The following LYZL4 variants were observed in gnomAD, a reference collection of about 807,000 sequenced individuals.
LYZL4 encodes lysozyme like 4.
LYZL4 carries 13 observed loss-of-function variants against 17.6 expected under a neutral mutation model. The ratio of observed to expected loss-of-function variants is 0.74; its 90% CI spans 0.48 to 1.18. The LOEUF is 1.18. Ranked by LOEUF, LYZL4 falls within the 50% of genes most tolerant of loss-of-function variation. The probability of loss-of-function intolerance (pLI) is 0.00; values close to 1 mark genes in which losing one functional copy is unlikely to be tolerated. For synonymous variants in LYZL4, 64 were observed against 67.7 expected (o/e 0.95, Z 0.27); for missense variants, 174 against 188.2 (o/e 0.92, Z 0.44).
chr3:42,369,287 G>T, the LYZL4 span, among the ~76,000 whole-genome samples: 1 of 152,180 alleles, frequency 6.6e-6, no homozygotes, highest in Admixed American at 6.5e-5. Context: ...GGCATGGTAG[G>T]GAGGGCATCA....
At chr3:42,396,372 G>C (rs984870773), downstream of LYZL4, among the ~76,000 whole-genome samples, 2 of 152,218 alleles carry the variant, frequency 1.3e-5, no homozygotes, top group Non-Finnish European at 2.9e-5. Context: ...TCAGGCAGGT[G>C]TGTCCAGGAA....
At chr3:42,404,237 G>A (rs562325772) in intron 3 of LYZL4, 113 bp from the exon 4 acceptor site, 10 of 587,414 alleles carry the variant, frequency 1.7e-5, no homozygotes, top group Middle Eastern at 3.4e-4. Flanking sequence ...TGAATTCCAA[G>A]AATAAATCTA....
chr3:42,384,479 G>A, the LYZL4 span, among the ~76,000 whole-genome samples: 2 of 152,238 alleles, frequency 1.3e-5, no homozygotes, highest in Non-Finnish European at 2.9e-5. Flanking sequence ...CAAGCAGTCA[G>A]AAGTCATGAG....
the LYZL4 span, among the ~76,000 whole-genome samples, chr3:42,364,779 G>A: frequency 1.3e-5 from 2 of 152,114 alleles, no homozygotes; most frequent in Admixed American, 1.3e-4. Context: ...CAGCCTCAGT[G>A]TCATCTTTTT....
intron 4 of LYZL4, among the ~76,000 whole-genome samples, chr3:42,402,572 A>G (rs895239063): frequency 1.3e-4 from 20 of 152,222 alleles, no homozygotes; most frequent in Non-Finnish European, 2.9e-4. Flanking sequence ...GAGTAAAACC[A>G]TAATGCAATA....
chr3:42,374,677 T>C, the LYZL4 span, among the ~76,000 whole-genome samples: 1 of 152,206 alleles, frequency 6.6e-6, no homozygotes, highest in African/African-American at 2.4e-5. Flanking sequence ...TCCCCACCTG[T>C]CCCTGCTGTA....
At chr3:42,382,807 C>T in the LYZL4 span, among the ~76,000 whole-genome samples, 1 of 151,846 alleles carries the variant, frequency 6.6e-6, no homozygotes, top group South Asian at 2.1e-4. Context: ...GACAACTGGA[C>T]AGCCTGCTAG....
chr3:42,407,703 TA>T (rs374114728), intron 1 of LYZL4, among the ~76,000 whole-genome samples: 393 of 139,538 alleles, frequency 2.8e-3, no homozygotes, highest in Middle Eastern at 3.7e-3. Flanking sequence ...AAAGAGAAAT[TA>T]AAAAAAAAAA....
the LYZL4 span, among the ~76,000 whole-genome samples, chr3:42,391,719 T>G: frequency 6.6e-6 from 1 of 152,150 alleles, no homozygotes; most frequent in Non-Finnish European, 1.5e-5. Flanking sequence ...GAGATTGTTT[T>G]AAGTGGGAGA....
downstream of LYZL4, among the ~76,000 whole-genome samples, chr3:42,395,796 G>A (rs1033696139): frequency 4.6e-5 from 7 of 152,096 alleles, no homozygotes; most frequent in East Asian, 1.9e-4. Context: ...GGCCAAGATC[G>A]GTGGCTCACA....
At chr3:42,366,231 G>T in the LYZL4 span, among the ~76,000 whole-genome samples, 2 of 152,162 alleles carry the variant, frequency 1.3e-5, no homozygotes, top group Admixed American at 1.3e-4. Context: ...CTGAACTGCA[G>T]GCCCTCGTGT....
At chr3:42,380,610 G>A in the LYZL4 span, among the ~76,000 whole-genome samples, 443 of 152,236 alleles carry the variant, frequency 2.9e-3, 3 homozygotes, top group African/African-American at 0.01. Flanking sequence ...GGTGGGGCCC[G>A]GAGACCAGCT....
the LYZL4 span, among the ~76,000 whole-genome samples, chr3:42,373,080 G>A: frequency 8.6e-5 from 13 of 152,022 alleles, no homozygotes; most frequent in African/African-American, 2.4e-4. Flanking sequence ...GCATGGTGGC[G>A]AGTGCCTGTA....
downstream of LYZL4, among the ~76,000 whole-genome samples, chr3:42,396,364 A>G (rs1698549400): frequency 6.6e-6 from 1 of 152,232 alleles, no homozygotes; most frequent in Non-Finnish European, 1.5e-5. Context: ...ACCAGATCTC[A>G]GGCAGGTGTG....
chr3:42,396,262 G>A (rs1698548659), downstream of LYZL4, among the ~76,000 whole-genome samples: 2 of 152,154 alleles, frequency 1.3e-5, no homozygotes, highest in South Asian at 4.1e-4. Context: ...ACTGAAAGGT[G>A]AAGAACTATG....
chr3:42,396,836 G>A (rs572154442), downstream of LYZL4, among the ~76,000 whole-genome samples: 255 of 152,334 alleles, frequency 1.7e-3, 1 homozygote, highest in African/African-American at 5.8e-3. Context: ...GTCCCAGTGT[G>A]GACACGCCTT....
chr3:42,388,110 C>A, the LYZL4 span, among the ~76,000 whole-genome samples: 1 of 152,098 alleles, frequency 6.6e-6, no homozygotes, highest in Non-Finnish European at 1.5e-5. Flanking sequence ...CTCCCTTCCC[C>A]AGAGCTCATT....
At chr3:42,393,781 C>T (rs138374057), downstream of LYZL4, among the ~76,000 whole-genome samples, 21 of 152,156 alleles carry the variant, frequency 1.4e-4, no homozygotes, top group African/African-American at 3.9e-4. Context: ...TTTTAACAGT[C>T]GCCCCAGGTG....
At chr3:42,379,554 G>T in the LYZL4 span, among the ~76,000 whole-genome samples, 58 of 152,140 alleles carry the variant, frequency 3.8e-4, no homozygotes, top group Non-Finnish European at 1.8e-4. Context: ...TTTATTAGAA[G>T]CCCTCATGTT....
Sources: gnomAD v4.1 joint callset for allele counts (sites outside exome capture counted in the v4.1 genomes callset) on GRCh38, gnomAD v4.1.1 for gene constraint, MANE v1.5 for transcripts, NCBI Gene and HGNC (gene_info 2026-07-23, HGNC 2026-07-21) for gene names.